The following LSM14A variants were observed in gnomAD, a reference collection of about 807,000 sequenced individuals.
LSM14A encodes protein LSM14 homolog A.
In LSM14A, 14 loss-of-function variants were observed where a neutral mutation model predicts 52.4. The observed-to-expected ratio is 0.27, with a 90% CI of 0.18 to 0.42. The LOEUF (loss-of-function observed/expected upper bound fraction) is 0.42. Ranked by LOEUF, LSM14A falls within the 10% of genes least tolerant of loss-of-function variation. The pLI is 1.00. For synonymous variants in LSM14A, 185 were observed against 200.3 expected (o/e 0.92, Z 0.64); for missense variants, 417 against 581.8 (o/e 0.72, Z 2.91).
At chr19:34,188,257 A>G (rs887944506) in intron 1 of LSM14A, among the ~76,000 whole-genome samples, 1 of 152,102 alleles carries the variant, frequency 6.6e-6, no homozygotes, top group African/African-American at 2.4e-5. Flanking sequence ...CTGCCCTCCA[A>G]CCTGGACTGG....
chr19:34,194,386 G>A, intron 1 of LSM14A, 92 bp from the exon 2 acceptor site: 1 of 1,156,816 alleles, frequency 8.6e-7, no homozygotes, highest in Non-Finnish European at 1.3e-6. Flanking sequence ...CAGAACTACT[G>A]CTTAGTACTT....
intron 2 of LSM14A, among the ~76,000 whole-genome samples, chr19:34,195,693 G>T (rs2070782753): frequency 6.6e-6 from 1 of 152,194 alleles, no homozygotes; most frequent in Non-Finnish European, 1.5e-5. Context: ...TCTTTAAATG[G>T]AGAAGGAAGA....
intron 1 of LSM14A, among the ~76,000 whole-genome samples, chr19:34,182,716 C>T (rs1236443407): frequency 6.7e-6 from 1 of 150,236 alleles, no homozygotes; most frequent in East Asian, 1.9e-4. Flanking sequence ...TGGTGGCAGG[C>T]ACCTGTAGTC....
intron 9 of LSM14A, chr19:34,226,273 G>C: frequency 7.9e-6 from 7 of 887,260 alleles, no homozygotes; most frequent in Non-Finnish European, 1.2e-5. Flanking sequence ...CCTCAGATGG[G>C]GTTCAAAGAC....
chr19:34,202,947 G>A (rs543342615), intron 3 of LSM14A, among the ~76,000 whole-genome samples: 39 of 152,272 alleles, frequency 2.6e-4, no homozygotes, highest in African/African-American at 5.1e-4. Context: ...GTGAGCCACC[G>A]CGCCTGGCGG....
chr19:34,209,555 TGAGGATTTATA>T (rs2071980522), intron 4 of LSM14A, among the ~76,000 whole-genome samples: 1 of 152,232 alleles, frequency 6.6e-6, no homozygotes, highest in Non-Finnish European at 1.5e-5. Flanking sequence ...CCCTGGAGCC[TGAGGATTTATA>T]TTTTAATAAG....
At chr19:34,198,256 G>A (rs1320615331) in intron 3 of LSM14A, among the ~76,000 whole-genome samples, 1 of 152,114 alleles carries the variant, frequency 6.6e-6, no homozygotes, top group African/African-American at 2.4e-5. Context: ...TTATACAGAT[G>A]TGACTTAAGT....
At chr19:34,207,974 T>C (rs528270478) in intron 3 of LSM14A, among the ~76,000 whole-genome samples, 1 of 152,068 alleles carries the variant, frequency 6.6e-6, no homozygotes, top group African/African-American at 2.4e-5. Flanking sequence ...AATGAGCAAA[T>C]TGCAAGGGGC....
chr19:34,212,791 G>A (rs964848446), intron 4 of LSM14A, among the ~76,000 whole-genome samples: 1 of 152,158 alleles, frequency 6.6e-6, no homozygotes, highest in African/African-American at 2.4e-5. Context: ...GGCCTTAATA[G>A]TGAAAAGGCT....
chr19:34,179,832 A>G (rs1161529056), intron 1 of LSM14A, among the ~76,000 whole-genome samples: 1 of 152,220 alleles, frequency 6.6e-6, no homozygotes, highest in Non-Finnish European at 1.5e-5. Context: ...CCGTGCTAGA[A>G]GATGCTTGCT....
At chr19:34,226,374 T>G in intron 9 of LSM14A, 1 of 1,366,296 alleles carries the variant, frequency 7.3e-7, no homozygotes, top group Non-Finnish European at 9.6e-7. Context: ...CATCTCTTTC[T>G]CTTTTTTTTT....
In LSM14A at chr19:34,228,868, C is replaced by G. The variant is rs1036341065; in HGVS notation, c.*1480C>G. On this transcript the variant is annotated 3_prime_UTR_variant, in exon 10 of 10. Transcript: ENST00000544216. ...TTCATTTTATATCTTTTGTATAGCT[C>G]TACAAGGCAGTGTTTTGTAATTTGG... 1 of 152,568 alleles carries G rather than the reference C, an allele frequency of 6.6e-6. No individual in the cohort carries two copies. Among genetic ancestry groups the G allele is most frequent in the African/African-American group, 2.4e-5 (1 of 41,436 alleles). 9.5% of individuals were successfully genotyped at this position (152,568 alleles called of 1,614,324 possible). A position where few individuals can be genotyped will look rare whatever the true frequency, so the allele number is the denominator to read the frequency against.
intron 4 of LSM14A, among the ~76,000 whole-genome samples, chr19:34,209,504 G>T (rs1359754760): frequency 6.6e-6 from 1 of 152,128 alleles, no homozygotes; most frequent in African/African-American, 2.4e-5. Context: ...CATCTGGGGT[G>T]CTTCTTAAAA....
chr19:34,208,819 G>A (rs1315854562), intron 3 of LSM14A, 110 bp from the exon 4 acceptor site: 2 of 699,256 alleles, frequency 2.9e-6, no homozygotes, highest in Non-Finnish European at 4.6e-6. Flanking sequence ...ACAGATGCTG[G>A]GGGGAGAGGT....
chr19:34,189,413 C>T (rs2070181889), intron 1 of LSM14A, among the ~76,000 whole-genome samples: 1 of 152,068 alleles, frequency 6.6e-6, no homozygotes, highest in South Asian at 2.1e-4. Context: ...AACTGGTTTC[C>T]CTAGCATCTA....
At chr19:34,175,509 G>C (rs558599847) in intron 1 of LSM14A, among the ~76,000 whole-genome samples, 2 of 152,176 alleles carry the variant, frequency 1.3e-5, no homozygotes, top group Non-Finnish European at 1.5e-5. Context: ...CGGGATTACA[G>C]GCATGAGCCA....
chr19:34,176,275 T>C (rs896168522), intron 1 of LSM14A, among the ~76,000 whole-genome samples: 3 of 152,160 alleles, frequency 2.0e-5, no homozygotes, highest in East Asian at 3.8e-4. Context: ...AGCATTCTCT[T>C]TTGAACTTTT....
At chr19:34,223,895 G>A (rs1490827232) in intron 9 of LSM14A, among the ~76,000 whole-genome samples, 1 of 152,188 alleles carries the variant, frequency 6.6e-6, no homozygotes, top group Admixed American at 6.5e-5. Context: ...ACCTTTTAAA[G>A]ATCATTAAAC....
intron 1 of LSM14A, among the ~76,000 whole-genome samples, 178 bp from the exon 2 acceptor site, chr19:34,194,300 G>A (rs1444990243): frequency 6.6e-6 from 1 of 151,864 alleles, no homozygotes; most frequent in Admixed American, 6.6e-5. Flanking sequence ...ATTTAACTTC[G>A]GGCAAAAGCC....
Sources: allele counts gnomAD v4.1 joint callset (sites outside exome capture counted in the v4.1 genomes callset), GRCh38; gene constraint gnomAD v4.1.1; transcripts MANE v1.5; gene names NCBI Gene and HGNC (gene_info 2026-07-23, HGNC 2026-07-21).